The following MAGOHB variants were observed in gnomAD, a reference collection of about 807,000 sequenced individuals.
The protein encoded by MAGOHB is protein mago nashi homolog 2.
Under a neutral mutation model 20.9 loss-of-function variants are expected in MAGOHB, and 15 were observed. That is an observed-to-expected ratio of 0.72 (90% CI 0.48 to 1.11). MAGOHB has a LOEUF of 1.11. MAGOHB is among the 50% of genes least tolerant of loss of function. The pLI, the probability that MAGOHB is intolerant of heterozygous loss-of-function variation, is 0.00. For missense variants in MAGOHB, 162 were observed against 177.6 expected (o/e 0.91, Z 0.50); for synonymous variants, 50 against 57.9 (o/e 0.86, Z 0.62).
downstream of MAGOHB, among the ~76,000 whole-genome samples, chr12:10,600,987 T>C (rs1865548774): frequency 6.6e-6 from 1 of 152,176 alleles, no homozygotes; most frequent in Admixed American, 6.5e-5. Flanking sequence ...TAGGCAAAGT[T>C]TCATGCATGG....
chr12:10,600,072 C>A (rs1470404256), downstream of MAGOHB, among the ~76,000 whole-genome samples: 1 of 151,978 alleles, frequency 6.6e-6, no homozygotes, highest in Non-Finnish European at 1.5e-5. Flanking sequence ...CTTTTTCTAT[C>A]TGTTTATTTC....
At chr12:10,612,106 G>A (rs1333004772) in intron 1 of MAGOHB, among the ~76,000 whole-genome samples, 1 of 152,080 alleles carries the variant, frequency 6.6e-6, no homozygotes, top group Non-Finnish European at 1.5e-5. Context: ...TCCCAGGACT[G>A]TGGGTGGCTG....
rs781602969 is a variant in MAGOHB, at chr12:10,607,933, G to C, written c.268C>G (p.Leu90Val). Residue 90 changes from leucine to valine, a missense_variant, in exon 4 of 5, where the codon CTT becomes GTT. Leu to Val is a conservative substitution (Grantham distance 32, BLOSUM62 1). Coordinates refer to ENST00000320756, the MANE Select transcript of MAGOHB (RefSeq NM_018048.5). ...TGCTCATCTCCAATTACAATTTCAA[G>C]CTCCTAAAAAATATAGCAGAAAAAT... ...PPPDRVGRQELEIVIGDEHIS... is the reference protein window; with the variant it reads ...PPPDRVGRQEVEIVIGDEHIS... 16 of 1,560,386 alleles carry C rather than the reference G, an allele frequency of 1.0e-5. No homozygotes were observed. The highest frequency in any genetic ancestry group is 1.4e-5 in the Non-Finnish European group (16 of 1,144,950).
chr12:10,603,894 T>C (rs1012325216), downstream of MAGOHB, among the ~76,000 whole-genome samples: 28 of 152,240 alleles, frequency 1.8e-4, no homozygotes, highest in African/African-American at 6.5e-4. Flanking sequence ...TCCATGCTCA[T>C]AGGTTCACAC....
Position 10,605,532 on chromosome 12 carries a change from G to C in MAGOHB, c.*743C>G, listed in dbSNP as rs1489781222. ...CTGAAGTGAGACTCGTGGTCAATAG[G>C]AGTTAAAAATATTTATGTACATTCA... is the stretch of plus-strand genomic sequence containing the variant. On this transcript the variant is annotated 3_prime_UTR_variant, in exon 5 of 5. Transcript: ENST00000320756. The C allele has an allele frequency of 2.0e-5, 3 of 152,226 alleles. No individual in the cohort carries two copies. The highest frequency in any genetic ancestry group is 2.1e-4 in the South Asian group (1 of 4,822). 9.4% of individuals were successfully genotyped at this position (152,226 alleles called of 1,614,324 possible).
rs891889056 is a variant in MAGOHB at position 10,613,600 on chromosome 12, C to A, written c.-68G>T. The stretch of plus-strand genomic sequence containing the variant: ...CCCCGGCGCCTTGCAGTGACGTCAT[C>A]GCGCGGAATAAGTGCGTCACCACAG... On this transcript the variant is annotated 5_prime_UTR_variant, in exon 1 of 5. Coordinates refer to ENST00000320756, the MANE Select transcript of MAGOHB (RefSeq NM_018048.5). The A allele has an allele frequency of 1.1e-5, 11 of 1,029,906 alleles. No individual in the cohort carries two copies. Among genetic ancestry groups the A allele is most frequent in the African/African-American group, 1.6e-5 (1 of 63,802 alleles). The allele number at this position is 1,029,906 out of a possible 1,614,324, so 63.8% of individuals were successfully genotyped here.
At chr12:10,611,404 A>G (rs1865733028) in intron 1 of MAGOHB, among the ~76,000 whole-genome samples, 3 of 152,136 alleles carry the variant, frequency 2.0e-5, no homozygotes, top group African/African-American at 7.2e-5. Flanking sequence ...TTGCCCAGAC[A>G]CAGCTATAAT....
At chr12:10,601,001 T>C (rs1865548892), downstream of MAGOHB, among the ~76,000 whole-genome samples, 1 of 152,354 alleles carries the variant, frequency 6.6e-6, no homozygotes, top group Non-Finnish European at 1.5e-5. Flanking sequence ...TGCATGGAGT[T>C]TGGACGCTTC....
In MAGOHB at chr12:10,613,556, A is replaced by G; in HGVS notation, c.-24T>C. 1 of 1,542,298 alleles carries G rather than the reference A, an allele frequency of 6.5e-7. No homozygotes were observed. The highest frequency in any genetic ancestry group is 9.0e-7 in the Non-Finnish European group (1 of 1,114,510). ...ATTTTTGTACCCGGGAAGCCCGCCGAAAACGCAGCCAACGTGTCCCCCGGC... is the reference window on the plus strand; with the variant it reads ...ATTTTTGTACCCGGGAAGCCCGCCGGAAACGCAGCCAACGTGTCCCCCGGC... On this transcript the variant is annotated 5_prime_UTR_variant, in exon 1 of 5. Coordinates refer to ENST00000320756, the MANE Select transcript of MAGOHB (RefSeq NM_018048.5).
In MAGOHB at chr12:10,613,419, T is replaced by C; in HGVS notation, c.94+20A>G. On this transcript the variant is annotated intron_variant, in intron 1 of 4. Coordinates refer to ENST00000320756, the MANE Select transcript of MAGOHB (RefSeq NM_018048.5). ...CTCGCTCCCCTTTCCCAGCACCGCG[T>C]GCCGTGGGCCTCTTCTCACCGTCCG... 6.2e-7 allele frequency: 1 copy of C among 1,611,706 alleles called. No homozygotes were observed. Among genetic ancestry groups the C allele is most frequent in the Non-Finnish European group, 8.5e-7 (1 of 1,177,732 alleles).
In MAGOHB at chr12:10,613,547, A is replaced by G; in HGVS notation, c.-15T>C. ...GCCACAGCCATTTTTGTACCCGGGA[A>G]GCCCGCCGAAAACGCAGCCAACGTG... On this transcript the variant is annotated 5_prime_UTR_variant, in exon 1 of 5. Transcript: ENST00000320756. The G allele has an allele frequency of 3.8e-6, 6 of 1,597,422 alleles. No individual in the cohort carries two copies. The highest frequency in any genetic ancestry group is 5.2e-6 in the Non-Finnish European group (6 of 1,164,770).
chr12:10,610,734 T>C, intron 1 of MAGOHB, 54 bp from the exon 2 acceptor site: 1 of 1,492,314 alleles, frequency 6.7e-7, no homozygotes, highest in Non-Finnish European at 9.0e-7. Flanking sequence ...CTAAAAAAAT[T>C]AACATCATAT....
intron 1 of MAGOHB, among the ~76,000 whole-genome samples, chr12:10,613,185 A>T (rs1479588259): frequency 6.6e-6 from 1 of 152,218 alleles, no homozygotes; most frequent in Non-Finnish European, 1.5e-5. Flanking sequence ...GCGACGATCT[A>T]GAGTCCCTTC....
chr12:10,603,315 A>T (rs1865572501), downstream of MAGOHB, among the ~76,000 whole-genome samples: 1 of 11,160 alleles, frequency 9.0e-5, no homozygotes, highest in Non-Finnish European at 2.5e-4. Context: ...CTCCGTCTCA[A>T]AAAAAAAAAA....
intron 4 of MAGOHB, among the ~76,000 whole-genome samples, chr12:10,607,313 A>T (rs1343959520): frequency 6.6e-6 from 1 of 152,184 alleles, no homozygotes; most frequent in Non-Finnish European, 1.5e-5. Context: ...AAGTAAGAGC[A>T]CTATGGGGAC....
intron 4 of MAGOHB, 63 bp from the exon 5 acceptor site, chr12:10,606,437 TA>T: frequency 1.2e-6 from 1 of 804,424 alleles, no homozygotes; most frequent in African/African-American, 1.8e-5. Flanking sequence ...TTTAAATGCC[TA>T]AAACAAAACA....
chr12:10,604,481 G>A lies in MAGOHB; in HGVS notation c.*1794C>T, dbSNP rs1206438599. 3 of 152,128 alleles carry A rather than the reference G, an allele frequency of 2.0e-5. No individual in the cohort carries two copies. The highest frequency in any genetic ancestry group is 2.9e-5 in the Non-Finnish European group (2 of 68,018). The allele number at this position is 152,128 out of a possible 1,614,324, so 9.4% of individuals were successfully genotyped here. On this transcript the variant is annotated 3_prime_UTR_variant, in exon 5 of 5. Coordinates refer to ENST00000320756, the MANE Select transcript of MAGOHB (RefSeq NM_018048.5). ...GAAAACGTAAGGAAGTTAGAGAACGGGGACAAAGACTTAAAGATTTTTCAA... is the reference window on the plus strand; with the variant it reads ...GAAAACGTAAGGAAGTTAGAGAACGAGGACAAAGACTTAAAGATTTTTCAA...
At chr12:10,603,919 C>T (rs1025089921), downstream of MAGOHB, among the ~76,000 whole-genome samples, 4 of 152,126 alleles carry the variant, frequency 2.6e-5, no homozygotes, top group Admixed American at 6.5e-5. Context: ...CAAATCAAAA[C>T]GAAGTAGTCT....
chr12:10,601,504 C>T (rs977068735), downstream of MAGOHB, among the ~76,000 whole-genome samples: 4 of 152,184 alleles, frequency 2.6e-5, no homozygotes, highest in African/African-American at 9.7e-5. Context: ...GCTTGAAATG[C>T]TAGCCCCTAG....
Sources: allele counts gnomAD v4.1 joint callset (sites outside exome capture counted in the v4.1 genomes callset), GRCh38; gene constraint gnomAD v4.1.1; transcripts MANE v1.5; gene names NCBI Gene and HGNC (gene_info 2026-07-23, HGNC 2026-07-21).